MACROD2: variants seen among roughly 807,000 people sequenced by gnomAD.
MACROD2 encodes ADP-ribose glycohydrolase MACROD2.
A neutral mutation model predicts 70.4 loss-of-function variants in MACROD2; 36 were observed. The observed-to-expected ratio is 0.51, with a 90% CI of 0.39 to 0.68. The LOEUF is 0.68. Ranked by LOEUF, MACROD2 falls within the 30% of genes least tolerant of loss-of-function variation. The probability of loss-of-function intolerance (pLI) is 0.00; values close to 1 mark genes in which losing one functional copy is unlikely to be tolerated. For missense variants in MACROD2, 496 were observed against 538.4 expected (o/e 0.92, Z 0.78); for synonymous variants, 172 against 178.8 (o/e 0.96, Z 0.30).
intron 5 of MACROD2, among the ~76,000 whole-genome samples, chr20:15,000,939 TACTGCAAA>T (rs1203293140): frequency 1.3e-5 from 2 of 152,208 alleles, no homozygotes; most frequent in African/African-American, 2.4e-5. Context: ...CAAATCTGTG[TACTGCAAA>T]ACAATCTCAT....
chr20:14,007,517 A>G (rs1362200990), intron 2 of MACROD2, among the ~76,000 whole-genome samples: 1 of 152,208 alleles, frequency 6.6e-6, no homozygotes, highest in Non-Finnish European at 1.5e-5. Context: ...TATAGCTCCC[A>G]TATAAAATAC....
chr20:15,986,678 G>T (rs2066487895), intron 13 of MACROD2, 49 bp from the exon 14 acceptor site: 1 of 1,420,632 alleles, frequency 7.0e-7, no homozygotes, highest in South Asian at 1.2e-5. Context: ...ATAAAGCTAC[G>T]GTCATGCATA....
chr20:14,487,997 T>TA (rs1274258462), intron 3 of MACROD2, among the ~76,000 whole-genome samples: 1 of 152,202 alleles, frequency 6.6e-6, no homozygotes, highest in Non-Finnish European at 1.5e-5. Context: ...TTTTTAAAGG[T>TA]GCTTTCTGGT....
chr20:14,136,772 C>A (rs2054803093), intron 3 of MACROD2, among the ~76,000 whole-genome samples: 1 of 152,172 alleles, frequency 6.6e-6, no homozygotes, highest in Admixed American at 6.5e-5. Flanking sequence ...AAACAAATGT[C>A]TACCCCAGCA....
intron 9 of MACROD2, 46 bp downstream of exon 9, chr20:15,862,872 A>C (rs970508200): frequency 7.7e-6 from 11 of 1,428,252 alleles, no homozygotes; most frequent in Non-Finnish European, 1.1e-5. Flanking sequence ...AGGATGGAAG[A>C]AGTGGAGCCG....
intron 5 of MACROD2, among the ~76,000 whole-genome samples, chr20:14,776,327 T>G (rs1490619684): frequency 6.6e-6 from 1 of 152,150 alleles, no homozygotes; most frequent in Non-Finnish European, 1.5e-5. Context: ...ATGAGTAGTT[T>G]AATATGTTGA....
At chr20:14,549,208 C>G (rs187485548) in intron 4 of MACROD2, among the ~76,000 whole-genome samples, 46 of 152,260 alleles carry the variant, frequency 3.0e-4, no homozygotes, top group Non-Finnish European at 5.4e-4. Context: ...TATCAAGTAT[C>G]TAATGAGTTT....
intron 8 of MACROD2, among the ~76,000 whole-genome samples, chr20:15,517,935 T>C (rs964258770): frequency 3.3e-5 from 5 of 152,358 alleles, no homozygotes; most frequent in African/African-American, 1.2e-4. Flanking sequence ...GCTGCCTCTT[T>C]CACCTAGTAA....
intron 6 of MACROD2, among the ~76,000 whole-genome samples, chr20:15,415,248 G>A (rs1423889488): frequency 2.0e-5 from 3 of 152,206 alleles, no homozygotes; most frequent in African/African-American, 7.2e-5. Flanking sequence ...AGTTCCAAAA[G>A]GAACACATTT....
chr20:14,770,877 C>A (rs1366463619), intron 5 of MACROD2, among the ~76,000 whole-genome samples: 1 of 152,056 alleles, frequency 6.6e-6, no homozygotes, highest in Non-Finnish European at 1.5e-5. Context: ...ATATGTGTCA[C>A]ATATGCTACA....
intron 5 of MACROD2, among the ~76,000 whole-genome samples, chr20:15,027,268 G>A (rs936706637): frequency 6.6e-6 from 1 of 152,084 alleles, no homozygotes; most frequent in Admixed American, 6.5e-5. Flanking sequence ...CCATCTCTTT[G>A]TCCTATCATG....
intron 5 of MACROD2, among the ~76,000 whole-genome samples, chr20:14,995,806 A>G (rs1365236022): frequency 2.6e-5 from 4 of 152,244 alleles, no homozygotes; most frequent in South Asian, 2.1e-4. Flanking sequence ...ATCGAAACCT[A>G]TGGGATGCAG....
chr20:15,495,589 A>G (rs2047286856), intron 7 of MACROD2, among the ~76,000 whole-genome samples: 1 of 152,122 alleles, frequency 6.6e-6, no homozygotes. Flanking sequence ...TGTTGTCAAT[A>G]TGTACAAAGA....
In MACROD2 at chr20:14,061,096, A is replaced by T. The variant is rs535662514; in HGVS notation, c.164-24525A>T. Reference sequence around the variant, plus strand: ...GTATATGTATATACACCATAGAAGTATAAACAACATGCACTCTCACACTGA... The same window carrying T: ...GTATATGTATATACACCATAGAAGTTTAAACAACATGCACTCTCACACTGA... On this transcript the variant is annotated intron_variant, in intron 2 of 17. Transcript: ENST00000684519. Among the ~76,000 whole-genome samples, 14 of 152,274 alleles carry T rather than the reference A, an allele frequency of 9.2e-5. No homozygotes were observed. In the South Asian group the frequency reaches 2.9e-3, roughly 32 times the overall value.
At chr20:15,480,345 T>C (rs546505455) in intron 7 of MACROD2, among the ~76,000 whole-genome samples, 1 of 152,298 alleles carries the variant, frequency 6.6e-6, no homozygotes, top group South Asian at 2.1e-4. Flanking sequence ...CTCATAACCA[T>C]AGTCACTTTT....
intron 10 of MACROD2, among the ~76,000 whole-genome samples, chr20:15,925,010 G>A (rs1046529115): frequency 6.6e-6 from 1 of 152,148 alleles, no homozygotes; most frequent in Non-Finnish European, 1.5e-5. Flanking sequence ...AGTGAGAAAG[G>A]GAGAGAACAA....
At chr20:14,530,721 T>C (rs1394358914) in intron 4 of MACROD2, among the ~76,000 whole-genome samples, 1 of 152,204 alleles carries the variant, frequency 6.6e-6, no homozygotes, top group Non-Finnish European at 1.5e-5. Flanking sequence ...CCTTCCAAGA[T>C]GATTAAGAGC....
intron 4 of MACROD2, among the ~76,000 whole-genome samples, chr20:14,541,116 T>G (rs950442814): frequency 9.2e-5 from 14 of 152,322 alleles, no homozygotes; most frequent in African/African-American, 3.4e-4. Context: ...AAGCTTATAA[T>G]AAAGCCTTGC....
intron 4 of MACROD2, among the ~76,000 whole-genome samples, chr20:14,510,572 A>AAT (rs2085018673): frequency 6.6e-6 from 1 of 152,070 alleles, no homozygotes; most frequent in African/African-American, 2.4e-5. Context: ...AGAATGATGT[A>AAT]ATGACTTTGG....
Sources: gnomAD v4.1 joint callset for allele counts (sites outside exome capture counted in the v4.1 genomes callset) on GRCh38, gnomAD v4.1.1 for gene constraint, MANE v1.5 for transcripts, NCBI Gene and HGNC (gene_info 2026-07-23, HGNC 2026-07-21) for gene names.